SLC44A5: variants seen among roughly 807,000 people sequenced by gnomAD.
The protein encoded by SLC44A5 is choline transporter-like protein 5.
A neutral mutation model predicts 101.8 loss-of-function variants in SLC44A5; 57 were observed. That is an observed-to-expected ratio of 0.56 (90% CI 0.45 to 0.70). SLC44A5 has a LOEUF of 0.70. SLC44A5 is among the 30% of genes least tolerant of loss of function. SLC44A5 has a pLI of 0.00. For synonymous variants in SLC44A5, 281 were observed against 290.9 expected (o/e 0.97, Z 0.35); for missense variants, 737 against 853.1 (o/e 0.86, Z 1.70).
At chr1:75,410,934 G>C (rs1663235819) in intron 2 of SLC44A5, among the ~76,000 whole-genome samples, 1 of 152,114 alleles carries the variant, frequency 6.6e-6, no homozygotes, top group African/African-American at 2.4e-5. Flanking sequence ...ATAGTTTGCA[G>C]TCCAGTGAGA....
At chr1:75,324,697 T>C (rs1308975930) in intron 4 of SLC44A5, among the ~76,000 whole-genome samples, 2 of 152,194 alleles carry the variant, frequency 1.3e-5, no homozygotes, top group Non-Finnish European at 2.9e-5. Context: ...CCTCAGGAAT[T>C]TGTAGCATAA....
chr1:75,462,198 CTGTT>C (rs1272485364), intron 2 of SLC44A5, among the ~76,000 whole-genome samples: 3 of 152,198 alleles, frequency 2.0e-5, no homozygotes, highest in African/African-American at 4.8e-5. Flanking sequence ...GATATAAACT[CTGTT>C]TGTTTGGGAG....
At chr1:75,489,383 A>C (rs1054043012) in intron 2 of SLC44A5, among the ~76,000 whole-genome samples, 1 of 152,234 alleles carries the variant, frequency 6.6e-6, no homozygotes, top group East Asian at 1.9e-4. Context: ...AGTTAGATGA[A>C]AAAGAAAAAC....
chr1:75,418,542 T>C (rs1329605374), intron 2 of SLC44A5, among the ~76,000 whole-genome samples: 1 of 151,640 alleles, frequency 6.6e-6, no homozygotes, highest in Non-Finnish European at 1.5e-5. Flanking sequence ...TAAGAGAAAA[T>C]GGGGAAAGCA....
chr1:75,597,373 C>T (rs767716035), intron 1 of SLC44A5, among the ~76,000 whole-genome samples: 1 of 152,028 alleles, frequency 6.6e-6, no homozygotes, highest in Non-Finnish European at 1.5e-5. Flanking sequence ...GGCCATGCTG[C>T]CCAAAGCAAC....
At chr1:75,624,524 T>C in the SLC44A5 span, among the ~76,000 whole-genome samples, 1 of 152,120 alleles carries the variant, frequency 6.6e-6, no homozygotes, top group Non-Finnish European at 1.5e-5. Flanking sequence ...CTTTCTTCTG[T>C]ACCCTCTTCT....
rs1227168527 is a variant in SLC44A5, at chr1:75,219,218, A to G, written c.1266+39T>C. 5.3e-6 allele frequency: 7 copies of G among 1,319,376 alleles called. No homozygotes were observed. The East Asian group carries it at 1.6e-4, about 30-fold the overall frequency. 81.7% of individuals were successfully genotyped at this position (1,319,376 alleles called of 1,614,324 possible). A position where few individuals can be genotyped will look rare whatever the true frequency, so the allele number is the denominator to read the frequency against. On this transcript the variant is annotated intron_variant, in intron 16 of 23. Coordinates refer to ENST00000370859, the MANE Select transcript of SLC44A5 (RefSeq NM_001130058.2). ...ACAAAATGAATTGCAGCAGAAGTCT[A>G]TATTGAAGTAAGTAAATGAAAGAGT... is the stretch of plus-strand genomic sequence containing the variant.
At chr1:75,593,868 A>G (rs897768907) in intron 1 of SLC44A5, among the ~76,000 whole-genome samples, 1 of 151,976 alleles carries the variant, frequency 6.6e-6, no homozygotes, top group Non-Finnish European at 1.5e-5. Context: ...AAGAGGGGAT[A>G]GTTAATGGGT....
chr1:75,260,642 G>A (rs772311892), intron 6 of SLC44A5, among the ~76,000 whole-genome samples: 22 of 151,914 alleles, frequency 1.4e-4, no homozygotes, highest in Non-Finnish European at 2.4e-4. Flanking sequence ...AAGGATATCC[G>A]GGACCTGAAC....
intron 3 of SLC44A5, among the ~76,000 whole-genome samples, chr1:75,341,496 AGAAAGGAAG>A (rs1003310412): frequency 6.6e-6 from 1 of 152,078 alleles, no homozygotes; most frequent in African/African-American, 2.4e-5. Context: ...GAAAAGAAAG[AGAAAGGAAG>A]GAAAGGAAGA....
intron 23 of SLC44A5, 95 bp downstream of exon 23, chr1:75,211,373 C>T: frequency 1.1e-6 from 1 of 886,720 alleles, no homozygotes; most frequent in East Asian, 2.6e-5. Context: ...AGCCAGGTAA[C>T]AGCAGATCCC....
At position 75,295,649 on chromosome 1, in the gene SLC44A5, C is replaced by A. The variant is rs142549560; in HGVS notation, c.175+4963G>T. On this transcript the variant is annotated intron_variant, in intron 5 of 23. Coordinates refer to ENST00000370859, the MANE Select transcript of SLC44A5 (RefSeq NM_001130058.2). ...TCTGACCCTTGTCATGCTTTGGGAA[C>A]CAATGTTTGAATATTGGTGAAAGAC... Among the ~76,000 whole-genome samples the A allele has an allele frequency of 3.3e-3, 508 of 152,224 alleles. 2 individuals are homozygous for A. The highest frequency in any genetic ancestry group is 0.012 in the African/African-American group (491 of 41,534).
chr1:75,231,360 G>A (rs1284670078), intron 12 of SLC44A5, among the ~76,000 whole-genome samples: 1 of 152,090 alleles, frequency 6.6e-6, no homozygotes, highest in Non-Finnish European at 1.5e-5. Context: ...TCAAAACAAT[G>A]TATTATATAA....
chr1:75,596,186 A>G lies in SLC44A5; in HGVS notation c.-70+14854T>C, dbSNP rs562510545. 2.8e-5 allele frequency among the ~76,000 whole-genome samples: 4 copies of G among 142,216 alleles called. No individual in the cohort carries two copies. The South Asian group carries it at 8.9e-4, about 32-fold the overall frequency. 93.3% of individuals were successfully genotyped at this position (142,216 alleles called of 152,430 possible). A position where few individuals can be genotyped will look rare whatever the true frequency, so the allele number is the denominator to read the frequency against. On this transcript the variant is annotated intron_variant, in intron 1 of 23. Transcript: ENST00000370859. ...TTTCTTCAAACTAAAGTGATAGTTCAACATAGTAGACACATGCACACACAC... is the reference window on the plus strand; with the variant it reads ...TTTCTTCAAACTAAAGTGATAGTTCGACATAGTAGACACATGCACACACAC...
chr1:75,290,150 A>G (rs985920935), intron 5 of SLC44A5, among the ~76,000 whole-genome samples: 13 of 152,192 alleles, frequency 8.5e-5, no homozygotes, highest in African/African-American at 2.4e-4. Context: ...TGTACGCAAC[A>G]AATTTATCAG....
At chr1:75,301,775 C>CT (rs1250874098) in intron 4 of SLC44A5, among the ~76,000 whole-genome samples, 12 of 152,122 alleles carry the variant, frequency 7.9e-5, no homozygotes, top group Non-Finnish European at 1.5e-4. Flanking sequence ...AGTGAGTTCG[C>CT]TTACTTAAGG....
intron 2 of SLC44A5, among the ~76,000 whole-genome samples, chr1:75,444,626 T>C (rs1034925511): frequency 1.3e-5 from 2 of 151,368 alleles, no homozygotes; most frequent in African/African-American, 4.8e-5. Context: ...TGTATGCTAA[T>C]AGAGATGATA....
rs143083648 is a variant in SLC44A5 at position 75,409,719 on chromosome 1, G to T, written c.14-13098C>A. 5.3e-3 allele frequency among the ~76,000 whole-genome samples: 808 copies of T among 151,972 alleles called. 6 individuals carry two copies. Among genetic ancestry groups the T allele is most frequent in the African/African-American group, 0.018 (762 of 41,474 alleles). ...AGCCTGAACTATGAAGCAAACATTT[G>T]CACCTCAAAATATACCCAATGGTAT... is the stretch of plus-strand genomic sequence containing the variant. On this transcript the variant is annotated intron_variant, in intron 2 of 23. Coordinates refer to ENST00000370859, the MANE Select transcript of SLC44A5 (RefSeq NM_001130058.2).
intron 2 of SLC44A5, among the ~76,000 whole-genome samples, chr1:75,420,272 A>G (rs981409852): frequency 1.8e-4 from 28 of 152,196 alleles, no homozygotes; most frequent in Non-Finnish European, 7.4e-5. Flanking sequence ...GTTTGTTAAC[A>G]GCAGCCCAAG....
Sources: allele counts gnomAD v4.1 joint callset (sites outside exome capture counted in the v4.1 genomes callset), GRCh38; gene constraint gnomAD v4.1.1; transcripts MANE v1.5; gene names NCBI Gene and HGNC (gene_info 2026-07-23, HGNC 2026-07-21).